GLIS1: variants seen among roughly 807,000 people sequenced by gnomAD.
GLIS1 encodes the protein GLIS family zinc finger 1, also known as zinc finger protein GLIS1.
Under a neutral mutation model 63.8 loss-of-function variants are expected in GLIS1, and 24 were observed. That is an observed-to-expected ratio of 0.38 (90% CI 0.27 to 0.53). The LOEUF is 0.53. Ranked by LOEUF, GLIS1 falls within the 20% of genes least tolerant of loss-of-function variation. The pLI, the probability that GLIS1 is intolerant of heterozygous loss-of-function variation, is 0.85. For missense variants in GLIS1, 1,036 were observed against 1,074.1 expected (o/e 0.96, Z 0.50); for synonymous variants, 450 against 482.5 (o/e 0.93, Z 0.88).
At chr1:53,680,184 G>A (rs1386814585) in intron 2 of GLIS1, among the ~76,000 whole-genome samples, 1 of 151,368 alleles carries the variant, frequency 6.6e-6, no homozygotes, top group Non-Finnish European at 1.5e-5. Flanking sequence ...GCCACTAACA[G>A]CTTAAAAAAA....
intron 2 of GLIS1, among the ~76,000 whole-genome samples, chr1:53,655,629 C>T (rs1284696345): frequency 1.3e-5 from 2 of 152,178 alleles, no homozygotes; most frequent in Non-Finnish European, 1.5e-5. Context: ...TTTCTTCCCC[C>T]ACCCCACAGA....
At chr1:53,630,451 C>A (rs74849963) in intron 2 of GLIS1, among the ~76,000 whole-genome samples, 2,216 of 152,084 alleles carry the variant, frequency 0.015, 61 homozygotes, top group African/African-American at 0.05. Context: ...GAAAGATCAG[C>A]CCAATTTATA....
rs1645288020 is a variant in GLIS1 at position 53,598,891 on chromosome 1, C to A, written c.437+1210G>T. Among the ~76,000 whole-genome samples, 1 of 152,236 alleles carries A rather than the reference C, an allele frequency of 6.6e-6. No homozygotes were observed. The highest frequency in any genetic ancestry group is 1.5e-5 in the Non-Finnish European group (1 of 68,048). ...GAATTTATCCACTGTGGAGCTCTCACGAGAACGTAAACTCCATCAGGAGAG... is the reference window on the plus strand; with the variant it reads ...GAATTTATCCACTGTGGAGCTCTCAAGAGAACGTAAACTCCATCAGGAGAG... On this transcript the variant is annotated intron_variant, in intron 3 of 10. Transcript: ENST00000628545. This position sits in a 1 kb window ranked among gnomAD's most constrained non-coding sequence, Gnocchi z 4.6.
In GLIS1 at chr1:53,526,301, G is replaced by A. The variant is rs1476987215; in HGVS notation, c.1483-1414C>T. 6.6e-6 allele frequency among the ~76,000 whole-genome samples: 1 copy of A among 152,166 alleles called. No homozygotes were observed. Among genetic ancestry groups the A allele is most frequent in the East Asian group, 1.9e-4 (1 of 5,192 alleles). Reference sequence around the variant, plus strand: ...TCAGACCCAGGGAGAGGTACCCATGGCCCTGGGACCTCATGAGGAGGGGAA... The same window carrying A: ...TCAGACCCAGGGAGAGGTACCCATGACCCTGGGACCTCATGAGGAGGGGAA... On this transcript the variant is annotated intron_variant, in intron 5 of 10. Coordinates refer to ENST00000628545, the MANE Select transcript of GLIS1 (RefSeq NM_001367484.1). This position sits in a 1 kb window ranked among gnomAD's most constrained non-coding sequence, Gnocchi z 4.4.
rs139185216 is a variant in GLIS1 at position 53,675,438 on chromosome 1, C to G, written c.259+62368G>C. Among the ~76,000 whole-genome samples, 12 of 152,314 alleles carry G rather than the reference C, an allele frequency of 7.9e-5. No homozygotes were observed. In the East Asian group the frequency reaches 2.3e-3, roughly 29 times the overall value. Reference sequence around the variant, plus strand: ...CCTTGCTGCTTCCCTGAATCAGAAGCTTGGGTGGTGCCTGGCTCAGACCCA... The same window carrying G: ...CCTTGCTGCTTCCCTGAATCAGAAGGTTGGGTGGTGCCTGGCTCAGACCCA... On this transcript the variant is annotated intron_variant, in intron 2 of 10. Coordinates refer to ENST00000628545, the MANE Select transcript of GLIS1 (RefSeq NM_001367484.1).
intron 2 of GLIS1, among the ~76,000 whole-genome samples, chr1:53,610,369 T>G (rs1360316750): frequency 6.6e-6 from 1 of 152,242 alleles, no homozygotes; most frequent in Non-Finnish European, 1.5e-5. Context: ...AGGAATTATC[T>G]CAACTTTTTC....
intron 2 of GLIS1, among the ~76,000 whole-genome samples, chr1:53,687,460 T>C (rs750332625): frequency 1.3e-5 from 2 of 152,172 alleles, no homozygotes; most frequent in Admixed American, 6.5e-5. Flanking sequence ...CAAGCCCGTG[T>C]CAGGCCTCGC....
At position 53,738,091 on chromosome 1, in the gene GLIS1, G is replaced by T. The variant is rs908794217; in HGVS notation, c.-27C>A. On this transcript the variant is annotated 5_prime_UTR_variant, in exon 2 of 11. Coordinates refer to ENST00000628545, the MANE Select transcript of GLIS1 (RefSeq NM_001367484.1). ...GCGCCGGGGCGGGGCGCACGGCTGG[G>T]GGTCGCGCCGGGCTCCTGGGGAGGG... The T allele has an allele frequency of 3.3e-6, 4 of 1,228,672 alleles. No homozygotes were observed. The Admixed American group carries it at 1.7e-4, about 52-fold the overall frequency. 76.1% of individuals were successfully genotyped at this position (1,228,672 alleles called of 1,614,324 possible).
chr1:53,528,054 T>C (rs1485079572), intron 5 of GLIS1, among the ~76,000 whole-genome samples: 1 of 152,022 alleles, frequency 6.6e-6, no homozygotes, highest in African/African-American at 2.4e-5. Context: ...GGCCTGGCAC[T>C]GTCAGCGCTG....
In GLIS1 at chr1:53,737,981, G is replaced by GT; in HGVS notation, c.83_84insA (p.Ser29GlnfsTer81). On this transcript the variant is annotated frameshift_variant, in exon 2 of 11. Transcript: ENST00000628545. LOFTEE classifies it high-confidence loss of function. ...TGAAGGCCATGTGCGCGCCGAGGCT[G>GT]GCGGGGCCGCGGTCGGGGCCGGGCG... is the stretch of plus-strand genomic sequence containing the variant. 3 of 1,230,378 alleles carry GT rather than the reference G, an allele frequency of 2.4e-6. No individual in the cohort carries two copies. The highest frequency in any genetic ancestry group is 3.0e-6 in the Non-Finnish European group (3 of 987,054). 76.2% of individuals were successfully genotyped at this position (1,230,378 alleles called of 1,614,324 possible). A position where few individuals can be genotyped will look rare whatever the true frequency, so the allele number is the denominator to read the frequency against.
At chr1:53,561,148 T>G (rs982324588) in intron 4 of GLIS1, among the ~76,000 whole-genome samples, 1 of 152,154 alleles carries the variant, frequency 6.6e-6, no homozygotes, top group African/African-American at 2.4e-5. Context: ...TCCACCCCAC[T>G]GGCCAAGTCA....
At chr1:53,648,797 C>T (rs529562094) in intron 2 of GLIS1, among the ~76,000 whole-genome samples, 1 of 152,200 alleles carries the variant, frequency 6.6e-6, no homozygotes, top group South Asian at 2.1e-4. Flanking sequence ...ATCTGTGGTA[C>T]CAGAAGTCAG....
At chr1:53,636,470 G>A (rs1181261592) in intron 2 of GLIS1, among the ~76,000 whole-genome samples, 1 of 151,946 alleles carries the variant, frequency 6.6e-6, no homozygotes, top group Non-Finnish European at 1.5e-5. Context: ...ATGTGATAAA[G>A]AATATTTGCA....
chr1:53,520,555 G>A (rs1644396721), intron 7 of GLIS1, 79 bp downstream of exon 7: 10 of 1,445,602 alleles, frequency 6.9e-6, no homozygotes, highest in Non-Finnish European at 9.1e-6. Flanking sequence ...GGCCCACTGA[G>A]CATCACTTGT....
At chr1:53,715,280 G>A (rs1646686150) in intron 2 of GLIS1, among the ~76,000 whole-genome samples, 1 of 152,214 alleles carries the variant, frequency 6.6e-6, no homozygotes, top group Admixed American at 6.5e-5. Context: ...CTTCTGGGAG[G>A]TGATATGTAA....
intron 2 of GLIS1, among the ~76,000 whole-genome samples, chr1:53,625,286 C>A (rs1645583061): frequency 6.6e-6 from 1 of 152,178 alleles, no homozygotes. Context: ...AAGTGCAAGG[C>A]CAGCATCTGG....
At chr1:53,664,919 G>C (rs1490768077) in intron 2 of GLIS1, among the ~76,000 whole-genome samples, 1 of 152,208 alleles carries the variant, frequency 6.6e-6, no homozygotes, top group Non-Finnish European at 1.5e-5. Flanking sequence ...GATGGTGTGT[G>C]AGGGTGAGCA....
At chr1:53,618,648 T>C (rs1645507812) in intron 2 of GLIS1, among the ~76,000 whole-genome samples, 1 of 152,128 alleles carries the variant, frequency 6.6e-6, no homozygotes, top group African/African-American at 2.4e-5. Context: ...CTTCTGAGGA[T>C]GCAAAGGGGG....
At chr1:53,542,469 T>C (rs1156562523) in intron 4 of GLIS1, among the ~76,000 whole-genome samples, 3 of 152,100 alleles carry the variant, frequency 2.0e-5, no homozygotes, top group African/African-American at 7.2e-5. Context: ...CATCTGTTAA[T>C]GAATGAAAGA....
Sources: allele counts gnomAD v4.1 joint callset (sites outside exome capture counted in the v4.1 genomes callset), GRCh38; gene constraint gnomAD v4.1.1; non-coding constraint Gnocchi (gnomAD v3.1); transcripts MANE v1.5; gene names NCBI Gene and HGNC (gene_info 2026-07-23, HGNC 2026-07-21).